KCNH5: variants seen among roughly 807,000 people sequenced by gnomAD.
KCNH5 encodes voltage-gated delayed rectifier potassium channel KCNH5.
Under a neutral mutation model 96.1 loss-of-function variants are expected in KCNH5, and 46 were observed. The ratio of observed to expected loss-of-function variants is 0.48; its 90% CI spans 0.38 to 0.61. The LOEUF is 0.61. Ranked by LOEUF, KCNH5 falls within the 20% of genes least tolerant of loss-of-function variation. The pLI, the probability that KCNH5 is intolerant of heterozygous loss-of-function variation, is 0.00. For missense variants in KCNH5, 907 were observed against 1,225.8 expected, an observed-to-expected ratio of 0.74 and a Z score of 3.88; for synonymous variants, 439 against 449.8, an observed-to-expected ratio of 0.98 and a Z score of 0.30.
intron 8 of KCNH5, among the ~76,000 whole-genome samples, chr14:62,817,988 G>A (rs2140014537): frequency 6.7e-6 from 1 of 149,886 alleles, no homozygotes; most frequent in South Asian, 2.1e-4. Context: ...TGAGGACATT[G>A]AGCTAAGTGA....
At chr14:62,835,496 C>A (rs1887446720) in intron 8 of KCNH5, among the ~76,000 whole-genome samples, 1 of 151,616 alleles carries the variant, frequency 6.6e-6, no homozygotes, top group South Asian at 2.1e-4. Context: ...AAAATATTAC[C>A]CAATTAATGT....
At chr14:62,857,956 T>C (rs1260845136) in intron 7 of KCNH5, among the ~76,000 whole-genome samples, 1 of 151,980 alleles carries the variant, frequency 6.6e-6, no homozygotes, top group Non-Finnish European at 1.5e-5. Flanking sequence ...TAATTACACC[T>C]AATATAATAC....
chr14:62,874,129 T>C (rs568066466), intron 7 of KCNH5, among the ~76,000 whole-genome samples: 152 of 152,332 alleles, frequency 1.0e-3, no homozygotes, highest in South Asian at 5.4e-3. Context: ...GTGAGGTTTT[T>C]GCGGGACACT....
At position 62,707,638 on chromosome 14, in the gene KCNH5, C is replaced by T. The variant is rs967009755; in HGVS notation, c.2837G>A (p.Ser946Asn). ...TTTGGGAGATGAGGCCTGGGGTACG[C>T]TTTTTTCCGACAGTATTTTTAAAAT... ...AEILKILSEK[S>N]VPQASSPKSQ... The change falls in exon 11 of 11, where the codon AGC becomes AAC. Residue 946 changes from serine to asparagine, a missense_variant. Around this residue, in one of 6 missense-constraint regions of KCNH5, gnomAD observed 362 missense variants for 394.4 expected, o/e 0.92. Transcript: ENST00000322893. 11 of 1,581,860 alleles carry T rather than the reference C, an allele frequency of 7.0e-6. No individual in the cohort carries two copies. Among genetic ancestry groups the T allele is most frequent in the Non-Finnish European group, 9.5e-6 (11 of 1,160,082 alleles).
chr14:62,848,445 A>G (rs769742814), intron 8 of KCNH5, among the ~76,000 whole-genome samples: 1 of 152,130 alleles, frequency 6.6e-6, no homozygotes, highest in Non-Finnish European at 1.5e-5. Flanking sequence ...TTTATACTGT[A>G]TCTTGTAAAA....
At chr14:62,959,744 T>C (rs187937926) in intron 6 of KCNH5, among the ~76,000 whole-genome samples, 7 of 152,288 alleles carry the variant, frequency 4.6e-5, no homozygotes, top group Non-Finnish European at 7.4e-5. Flanking sequence ...TTTTTAAATA[T>C]TTGTAGTAAT....
chr14:63,045,314 G>C lies in KCNH5; in HGVS notation c.-128C>G. On this transcript the variant is annotated 5_prime_UTR_variant, in exon 1 of 11. Coordinates refer to ENST00000322893, the MANE Select transcript of KCNH5 (RefSeq NM_139318.5). ...CCGAAAGAAGAGGGGGCGCGGCGGC[G>C]GCGACGGGGTCCCCTGACTGTGTCT... The C allele has an allele frequency of 1.4e-6, 1 of 737,804 alleles. No homozygotes were observed. The highest frequency in any genetic ancestry group is 2.1e-5 in the Admixed American group (1 of 48,174). 45.7% of individuals were successfully genotyped at this position (737,804 alleles called of 1,614,324 possible).
rs987216310 is a variant in KCNH5, at chr14:63,007,000, G to T, written c.198-528C>A. ...CAGTAAGTAGCCAACAAAAACTAAA[G>T]TCCACCAAAGAAATGAAAAATAATA... On this transcript the variant is annotated intron_variant, in intron 2 of 10. Transcript: ENST00000322893. Among the ~76,000 whole-genome samples the T allele has an allele frequency of 7.2e-5, 11 of 152,078 alleles. No individual in the cohort carries two copies. The East Asian group carries it at 1.5e-3, about 21-fold the overall frequency.
intron 6 of KCNH5, among the ~76,000 whole-genome samples, chr14:62,980,057 T>C (rs894217366): frequency 1.3e-4 from 20 of 152,162 alleles, no homozygotes; most frequent in African/African-American, 4.8e-4. Flanking sequence ...CTGGGGGTTT[T>C]AAAAGTGGCA....
intron 6 of KCNH5, among the ~76,000 whole-genome samples, chr14:62,978,362 G>C (rs1890540710): frequency 6.6e-6 from 1 of 152,194 alleles, no homozygotes; most frequent in African/African-American, 2.4e-5. Context: ...GATTTGAGCG[G>C]TGTGCCTACT....
intron 6 of KCNH5, among the ~76,000 whole-genome samples, chr14:62,961,804 G>A (rs866768366): frequency 6.6e-6 from 1 of 151,172 alleles, no homozygotes; most frequent in African/African-American, 2.5e-5. Context: ...AGATGCAGAT[G>A]GAGATGGAGA....
intron 9 of KCNH5, among the ~76,000 whole-genome samples, chr14:62,799,726 T>TATATATATATATATATATATATAC (rs1213484157): frequency 1.5e-5 from 1 of 68,662 alleles, no homozygotes; most frequent in Non-Finnish European, 2.9e-5. Flanking sequence ...TATATATATA[T>TATATATATATATATATATATATAC]ACACACACAC....
chr14:62,997,147 T>G (rs1381544890), intron 4 of KCNH5, among the ~76,000 whole-genome samples: 1 of 152,160 alleles, frequency 6.6e-6, no homozygotes, highest in Admixed American at 6.5e-5. Context: ...GAATGAGATA[T>G]CCATCCTCTC....
chr14:62,717,992 C>T (rs989903386), intron 10 of KCNH5, among the ~76,000 whole-genome samples: 4 of 152,146 alleles, frequency 2.6e-5, no homozygotes, highest in African/African-American at 4.8e-5. Flanking sequence ...AGCTAGAAGC[C>T]ATTATCCTAA....
At chr14:63,012,999 A>AAAAAAT (rs531846967) in intron 2 of KCNH5, among the ~76,000 whole-genome samples, 2,662 of 151,602 alleles carry the variant, frequency 0.018, 87 homozygotes, top group African/African-American at 0.061. Flanking sequence ...ATAAAAGGAA[A>AAAAAAT]AAAATAAAAT....
chr14:63,002,579 C>T (rs991353989), intron 3 of KCNH5, among the ~76,000 whole-genome samples: 1 of 152,054 alleles, frequency 6.6e-6, no homozygotes, highest in Non-Finnish European at 1.5e-5. Flanking sequence ...AGACCCTAGC[C>T]TTTTACTAGC....
chr14:62,836,665 C>T (rs1887472385), intron 8 of KCNH5, among the ~76,000 whole-genome samples: 1 of 152,104 alleles, frequency 6.6e-6, no homozygotes, highest in African/African-American at 2.4e-5. Context: ...AAAGAATCTC[C>T]TCTTTCACCT....
Position 62,956,584 on chromosome 14 carries a change from G to A in KCNH5, c.943-6025C>T, listed in dbSNP as rs568841526. On this transcript the variant is annotated intron_variant, in intron 6 of 10. Coordinates refer to ENST00000322893, the MANE Select transcript of KCNH5 (RefSeq NM_139318.5). ...AAGCTAACATTTCACCACAGTACAT[G>A]ATTCAGATTAATAATTTCTTACTCA... 1.2e-4 allele frequency among the ~76,000 whole-genome samples: 16 copies of A among 128,474 alleles called. 1 individual carries two copies. The highest frequency in any genetic ancestry group is 4.6e-4 in the African/African-American group (16 of 34,554). 84.3% of individuals were successfully genotyped at this position (128,474 alleles called of 152,430 possible). A position where few individuals can be genotyped will look rare whatever the true frequency, so the allele number is the denominator to read the frequency against.
At chr14:62,741,098 A>G (rs572244379) in intron 10 of KCNH5, among the ~76,000 whole-genome samples, 5 of 152,296 alleles carry the variant, frequency 3.3e-5, no homozygotes, top group South Asian at 4.1e-4. Context: ...ATTTCAAACT[A>G]TAATGACTGC....
Sources: gnomAD v4.1 joint callset for allele counts (sites outside exome capture counted in the v4.1 genomes callset) on GRCh38, gnomAD v4.1.1 for gene constraint, gnomAD v4.1.1 regional missense constraint, MANE v1.5 for transcripts, NCBI Gene and HGNC (gene_info 2026-07-23, HGNC 2026-07-21) for gene names.